NLK: variants seen among roughly 807,000 people sequenced by gnomAD.
The protein encoded by NLK is nemo like kinase.
In NLK, 11 loss-of-function variants were observed where a neutral mutation model predicts 59.0. That is an observed-to-expected ratio of 0.19 (90% CI 0.12 to 0.31). NLK has a LOEUF of 0.31. NLK is among the 10% of genes least tolerant of loss of function. NLK has a pLI of 1.00. For synonymous variants in NLK, 235 were observed against 235.9 expected (o/e 1.00, Z 0.03); for missense variants, 410 against 661.1 (o/e 0.62, Z 4.16).
intron 1 of NLK, among the ~76,000 whole-genome samples, chr17:28,119,264 C>T (rs923678480): frequency 6.6e-6 from 1 of 152,162 alleles, no homozygotes; most frequent in African/African-American, 2.4e-5. Context: ...CTCAACATGG[C>T]GTGAAATTAC....
chr17:28,135,534 C>A lies in NLK; in HGVS notation c.644+2859C>A, dbSNP rs148245357. 1.8e-3 allele frequency among the ~76,000 whole-genome samples: 277 copies of A among 152,326 alleles called. 1 individual carries two copies. Among genetic ancestry groups the A allele is most frequent in the African/African-American group, 6.3e-3 (261 of 41,582 alleles). Reference sequence around the variant, plus strand: ...CCCAGGTATACTAAGATACTATTGTCAGGTGGATATTGCAGTGGCCCAGAG... The same window carrying A: ...CCCAGGTATACTAAGATACTATTGTAAGGTGGATATTGCAGTGGCCCAGAG... On this transcript the variant is annotated intron_variant, in intron 3 of 10. Transcript: ENST00000407008.
At chr17:28,050,828 G>GC (rs1313532101) in intron 1 of NLK, among the ~76,000 whole-genome samples, 1 of 152,088 alleles carries the variant, frequency 6.6e-6, no homozygotes, top group Non-Finnish European at 1.5e-5. Context: ...AAGAAGGCCG[G>GC]CCATGGTGGT....
At chr17:28,128,275 T>C (rs1906372784) in intron 2 of NLK, among the ~76,000 whole-genome samples, 1 of 152,172 alleles carries the variant, frequency 6.6e-6, no homozygotes, top group Non-Finnish European at 1.5e-5. Context: ...TTAATTTCTA[T>C]TAACATTAAT....
At chr17:28,192,969 G>A (rs574548417) in intron 10 of NLK, among the ~76,000 whole-genome samples, 1 of 152,336 alleles carries the variant, frequency 6.6e-6, no homozygotes, top group South Asian at 2.1e-4. Flanking sequence ...GTAGAGCTAT[G>A]AACCTACATT....
At chr17:28,188,089 G>A (rs1442632557) in intron 8 of NLK, among the ~76,000 whole-genome samples, 1 of 152,124 alleles carries the variant, frequency 6.6e-6, no homozygotes, top group Non-Finnish European at 1.5e-5. Context: ...TGTAGTTCCA[G>A]CTACTCCAGA....
intron 3 of NLK, among the ~76,000 whole-genome samples, chr17:28,158,232 C>G (rs909023777): frequency 6.6e-6 from 1 of 152,154 alleles, no homozygotes; most frequent in Non-Finnish European, 1.5e-5. Flanking sequence ...GTACTGAATA[C>G]TGTAGGCAGC....
intron 1 of NLK, among the ~76,000 whole-genome samples, chr17:28,088,505 A>G (rs561091303): frequency 1.3e-5 from 2 of 152,328 alleles, no homozygotes; most frequent in East Asian, 3.9e-4. Flanking sequence ...ATTCATTTTC[A>G]AAATAATGAA....
chr17:28,055,881 A>G (rs1909425420), intron 1 of NLK, among the ~76,000 whole-genome samples: 1 of 152,180 alleles, frequency 6.6e-6, no homozygotes, highest in African/African-American at 2.4e-5. Context: ...TGTTTTTGAA[A>G]AATTCATTCA....
chr17:28,124,314 A>G (rs576741105), intron 2 of NLK, among the ~76,000 whole-genome samples: 2 of 152,320 alleles, frequency 1.3e-5, no homozygotes, highest in South Asian at 4.1e-4. Context: ...AGTTGAGTCC[A>G]GGAGTTCAAG....
chr17:28,077,421 C>G (rs1229176086), intron 1 of NLK, among the ~76,000 whole-genome samples: 1 of 151,916 alleles, frequency 6.6e-6, no homozygotes, highest in Non-Finnish European at 1.5e-5. Flanking sequence ...GGGAAACTGC[C>G]CTCATGATTC....
intron 1 of NLK, among the ~76,000 whole-genome samples, chr17:28,065,380 A>G (rs184806061): frequency 3.3e-5 from 5 of 152,196 alleles, no homozygotes; most frequent in East Asian, 3.9e-4. Flanking sequence ...GTCAGTGAAT[A>G]AGAGATGGCA....
Position 28,194,444 on chromosome 17 carries a change from TC to T in NLK, c.1530-137del, listed in dbSNP as rs539624491. ...CATAAACAAGCAACTTAGAATAAAT[TC>T]AACTTCAAAGAAACAAATAAAAATC... On this transcript the variant is annotated intron_variant, in intron 10 of 10. Transcript: ENST00000407008. 8.0e-6 allele frequency: 5 copies of T among 621,956 alleles called. No homozygotes were observed. In the South Asian group the frequency reaches 1.3e-4, roughly 16 times the overall value. 38.5% of individuals were successfully genotyped at this position (621,956 alleles called of 1,614,324 possible).
intron 1 of NLK, among the ~76,000 whole-genome samples, chr17:28,060,869 T>G (rs1413123584): frequency 7.9e-5 from 12 of 152,220 alleles, no homozygotes; most frequent in Admixed American, 2.0e-4. Flanking sequence ...GCACACGCTC[T>G]TTGGAGCAAT....
intron 3 of NLK, among the ~76,000 whole-genome samples, chr17:28,149,828 G>T (rs1452264127): frequency 6.6e-6 from 1 of 152,128 alleles, no homozygotes; most frequent in Non-Finnish European, 1.5e-5. Flanking sequence ...ACCTAGATTG[G>T]CATCTTGTAC....
intron 1 of NLK, among the ~76,000 whole-genome samples, chr17:28,069,653 G>A (rs904919641): frequency 3.3e-5 from 5 of 152,002 alleles, no homozygotes. Flanking sequence ...ACATTTTCAT[G>A]TATTTATTGG....
rs757737124 is a variant in NLK at position 28,043,351 on chromosome 17, C to T, written c.458+20C>T. The T allele has an allele frequency of 9.3e-6, 14 of 1,505,694 alleles. No individual in the cohort carries two copies. The highest frequency in any genetic ancestry group is 1.2e-5 in the Non-Finnish European group (14 of 1,121,924). 93.3% of individuals were successfully genotyped at this position (1,505,694 alleles called of 1,614,324 possible). The stretch of plus-strand genomic sequence containing the variant: ...TGTCTGGTGAGTATCCAAAGAAAAA[C>T]ACAACCTCTCATGGTTTCTTCTGTT... On this transcript the variant is annotated intron_variant, in intron 1 of 10. Coordinates refer to ENST00000407008, the MANE Select transcript of NLK (RefSeq NM_016231.5).
Position 28,070,721 on chromosome 17 carries a change from CTAATTTTAAAGTAAAATAT to C in NLK, c.458+27409_458+27427del, listed in dbSNP as rs879601410. Among the ~76,000 whole-genome samples, 271 of 151,932 alleles carry C rather than the reference CTAATTTTAAAGTAAAATAT, an allele frequency of 1.8e-3. 1 individual carries two copies. Among genetic ancestry groups the C allele is most frequent in the Non-Finnish European group, 3.2e-3 (217 of 67,946 alleles). ...TTTTGTTGTTTTGTTTTTTAAAATA[CTAATTTTAAAGTAAAATAT>C]TAATTTTAAAGTAAAATACTAATTT... On this transcript the variant is annotated intron_variant, in intron 1 of 10. Transcript: ENST00000407008.
chr17:28,048,366 C>T (rs1250217113), intron 1 of NLK: 1 of 160,728 alleles, frequency 6.2e-6, no homozygotes, highest in Non-Finnish European at 1.3e-5. Flanking sequence ...GTTATACTGT[C>T]CAATATTAAT....
At chr17:28,145,541 G>A (rs964422227) in intron 3 of NLK, among the ~76,000 whole-genome samples, 1 of 152,126 alleles carries the variant, frequency 6.6e-6, no homozygotes, top group African/African-American at 2.4e-5. Flanking sequence ...TTGAGTGAAT[G>A]AGTAAACTCT....
Sources: allele counts gnomAD v4.1 joint callset (sites outside exome capture counted in the v4.1 genomes callset), GRCh38; gene constraint gnomAD v4.1.1; transcripts MANE v1.5; gene names NCBI Gene and HGNC (gene_info 2026-07-23, HGNC 2026-07-21).